The following TTC17 variants were observed in gnomAD, a reference collection of about 807,000 sequenced individuals.
The protein encoded by TTC17 is tetratricopeptide repeat protein 17.
In TTC17, 58 loss-of-function variants were observed where a neutral mutation model predicts 143.8. That is an observed-to-expected ratio of 0.40 (90% confidence interval 0.33 to 0.50). The LOEUF (loss-of-function observed/expected upper bound fraction) is 0.50, where lower values mean the gene tolerates loss of function less well. Ranked by LOEUF, TTC17 falls within the 20% of genes least tolerant of loss-of-function variation. TTC17 has a pLI of 0.49. For missense variants in TTC17, 1,273 were observed against 1,392.5 expected (o/e 0.91, Z 1.37); for synonymous variants, 501 against 497.8 (o/e 1.01, Z -0.09).
chr11:43,381,946 A>G (rs1260337463), intron 2 of TTC17, among the ~76,000 whole-genome samples: 1 of 152,226 alleles, frequency 6.6e-6, no homozygotes, highest in Non-Finnish European at 1.5e-5. Flanking sequence ...TGAAATGCCT[A>G]TCAGGCATTC....
chr11:43,380,228 A>C (rs1856913611), intron 2 of TTC17, among the ~76,000 whole-genome samples: 1 of 152,198 alleles, frequency 6.6e-6, no homozygotes, highest in African/African-American at 2.4e-5. Flanking sequence ...CTCTTGACTT[A>C]AAAGCTGGCA....
chr11:43,471,732 G>T (rs986456226), intron 21 of TTC17, among the ~76,000 whole-genome samples: 3 of 152,182 alleles, frequency 2.0e-5, no homozygotes, highest in Non-Finnish European at 4.4e-5. Context: ...GTAATAATAC[G>T]TATTTTCAGT....
chr11:43,470,301 C>T (rs1948068285), intron 21 of TTC17, among the ~76,000 whole-genome samples: 1 of 152,156 alleles, frequency 6.6e-6, no homozygotes, highest in South Asian at 2.1e-4. Context: ...CTCTGCCCAC[C>T]CGCATTTTCT....
At chr11:43,415,517 G>C (rs1022700992) in intron 16 of TTC17, among the ~76,000 whole-genome samples, 4 of 152,102 alleles carry the variant, frequency 2.6e-5, no homozygotes, top group Non-Finnish European at 4.4e-5. Flanking sequence ...AGCCATTGTA[G>C]AGTGCACAGT....
chr11:43,389,736 C>G lies in TTC17; in HGVS notation c.334C>G (p.Pro112Ala). 6.2e-7 allele frequency: 1 copy of G among 1,613,920 alleles called. No individual in the cohort carries two copies. The highest frequency in any genetic ancestry group is 8.5e-7 in the Non-Finnish European group (1 of 1,179,924). Residue 112 changes from proline (P) to alanine (A), a missense_variant, in exon 3 of 24, where the codon CCA becomes GCA. By Grantham distance (27) the Pro-to-Ala change is conservative. Coordinates refer to ENST00000039989, the MANE Select transcript of TTC17 (RefSeq NM_018259.6). ...GGAACAGAGACATAATAAAGAAGAC[C>G]CAGACTGCATCAAAGCCAAGGTGCC... ...GLEQRHNKED[P>A]DCIKAKVPLG...
chr11:43,389,296 A>G (rs1338549761), intron 2 of TTC17, among the ~76,000 whole-genome samples: 1 of 152,216 alleles, frequency 6.6e-6, no homozygotes, highest in Non-Finnish European at 1.5e-5. Context: ...ACCAATAGCA[A>G]CATGTACTAT....
chr11:43,396,528 C>T (rs1857598655), intron 5 of TTC17, 181 bp from the exon 6 acceptor site: 1 of 386,134 alleles, frequency 2.6e-6, no homozygotes, highest in Non-Finnish European at 4.6e-6. Context: ...GATTAGAATG[C>T]TCTTCTGACA....
intron 1 of TTC17, among the ~76,000 whole-genome samples, chr11:43,374,787 GAA>G (rs1192144816): frequency 2.7e-5 from 4 of 148,612 alleles, no homozygotes; most frequent in African/African-American, 9.9e-5. Context: ...GGGCTATAGA[GAA>G]AATGGAAGTC....
chr11:43,441,243 T>C (rs1282493643), intron 16 of TTC17, among the ~76,000 whole-genome samples: 2 of 149,034 alleles, frequency 1.3e-5, no homozygotes, highest in Non-Finnish European at 3.0e-5. Context: ...TGCATTGCGC[T>C]CCAGCCTGGG....
chr11:43,416,247 GC>G (rs1946776628), intron 16 of TTC17, among the ~76,000 whole-genome samples: 1 of 151,978 alleles, frequency 6.6e-6, no homozygotes, highest in Non-Finnish European at 1.5e-5. Flanking sequence ...CCTAAGAACA[GC>G]CTTATAAAAA....
At chr11:43,429,793 A>G (rs1947113262) in intron 16 of TTC17, among the ~76,000 whole-genome samples, 1 of 152,206 alleles carries the variant, frequency 6.6e-6, no homozygotes, top group Admixed American at 6.5e-5. Flanking sequence ...TGTTAAAAGG[A>G]TGATGATGTC....
At chr11:43,370,804 G>T (rs894311611) in intron 1 of TTC17, among the ~76,000 whole-genome samples, 2 of 141,878 alleles carry the variant, frequency 1.4e-5, no homozygotes, top group East Asian at 3.9e-4. Context: ...AGGTTTGTTT[G>T]TTTGTTTGTT....
intron 21 of TTC17, among the ~76,000 whole-genome samples, chr11:43,471,099 A>G (rs1948083926): frequency 6.6e-6 from 1 of 152,172 alleles, no homozygotes; most frequent in African/African-American, 2.4e-5. Context: ...AATCCACCTG[A>G]TCCACCTGCA....
chr11:43,435,077 T>TGATAGATAGATAGATAGATAGATA (rs35185017), intron 16 of TTC17: 1 of 144,394 alleles, frequency 6.9e-6, no homozygotes, highest in Non-Finnish European at 1.5e-5. Flanking sequence ...ACAGATAAGA[T>TGATAGATAGATAGATAGATAGATA]GATAGATAGA....
intron 8 of TTC17, among the ~76,000 whole-genome samples, chr11:43,399,586 C>A (rs561338542): frequency 6.6e-6 from 1 of 152,060 alleles, no homozygotes; most frequent in Non-Finnish European, 1.5e-5. Flanking sequence ...CAAGAGGACC[C>A]CTTGAGCCCA....
At chr11:43,377,064 C>T (rs1856786663) in intron 1 of TTC17, among the ~76,000 whole-genome samples, 1 of 152,028 alleles carries the variant, frequency 6.6e-6, no homozygotes, top group Non-Finnish European at 1.5e-5. Flanking sequence ...GGGGCCGAGG[C>T]GGGCGAATCA....
In TTC17 at chr11:43,451,907, G is replaced by A. The variant is rs538103263; in HGVS notation, c.3030+642G>A. Reference sequence around the variant, plus strand: ...TTCAAGTATGAATGCGACACTGTGAGATAGCAACTTCCTTCATCTTCCGAG... The same window carrying A: ...TTCAAGTATGAATGCGACACTGTGAAATAGCAACTTCCTTCATCTTCCGAG... On this transcript the variant is annotated intron_variant, in intron 21 of 23. Transcript: ENST00000039989. Among the ~76,000 whole-genome samples the A allele has an allele frequency of 5.3e-5, 8 of 152,274 alleles. No individual in the cohort carries two copies. In the East Asian group the frequency reaches 1.5e-3, roughly 29 times the overall value.
intron 16 of TTC17, among the ~76,000 whole-genome samples, chr11:43,420,392 A>G (rs181881538): frequency 6.6e-6 from 1 of 152,340 alleles, no homozygotes; most frequent in East Asian, 1.9e-4. Context: ...CTCAAAAGAG[A>G]TGCATTTCTA....
intron 2 of TTC17, among the ~76,000 whole-genome samples, chr11:43,380,874 G>GA (rs1253513481): frequency 6.6e-6 from 1 of 152,126 alleles, no homozygotes; most frequent in Non-Finnish European, 1.5e-5. Context: ...TCAATACTAG[G>GA]AATTAGACAA....
Sources: gnomAD v4.1 joint callset for allele counts (sites outside exome capture counted in the v4.1 genomes callset) on GRCh38, gnomAD v4.1.1 for gene constraint, MANE v1.5 for transcripts, NCBI Gene and HGNC (gene_info 2026-07-23, HGNC 2026-07-21) for gene names.